Variants in CAMTA1 observed in about 807,000 individuals in gnomAD.
CAMTA1 encodes calmodulin binding transcription activator 1, also known as calmodulin-binding transcription activator 1.
A neutral mutation model predicts 170.9 loss-of-function variants in CAMTA1; 27 were observed. The ratio of observed to expected loss-of-function variants is 0.16; its 90% CI spans 0.12 to 0.22. The LOEUF (loss-of-function observed/expected upper bound fraction) is 0.22, where lower values mean the gene tolerates loss of function less well. Among genes scored for constraint, CAMTA1 ranks in the 10% least tolerant of loss-of-function variants. The pLI is 1.00. For missense variants in CAMTA1, 1,619 were observed against 2,217.2 expected (o/e 0.73, Z 5.42); for synonymous variants, 833 against 891.5 (o/e 0.93, Z 1.17).
Position 7,173,300 on chromosome 1 carries a change from C to A in CAMTA1, c.303-76191C>A, listed in dbSNP as rs530888313. ...GTTGTGAGCTGAAATGAACAGAAGG[C>A]AGAGCGGGGTGCAGGGCCTGGCCGT... On this transcript the variant is annotated intron_variant, in intron 4 of 22. Transcript: ENST00000303635. The surrounding 1 kb of genome is among the most constrained non-coding windows in gnomAD (Gnocchi z 5.4). Among the ~76,000 whole-genome samples the A allele has an allele frequency of 2.0e-5, 3 of 152,312 alleles. No homozygotes were observed. The South Asian group carries it at 6.2e-4, about 32-fold the overall frequency.
intron 3 of CAMTA1, among the ~76,000 whole-genome samples, chr1:7,073,230 G>T (rs944769961): frequency 6.6e-6 from 1 of 152,166 alleles, no homozygotes; most frequent in Non-Finnish European, 1.5e-5. Flanking sequence ...CTACTGAGGT[G>T]GGGGGAAGCT....
At chr1:7,158,890 TA>T (rs774119106) in intron 4 of CAMTA1, among the ~76,000 whole-genome samples, 17 of 151,220 alleles carry the variant, frequency 1.1e-4, no homozygotes, top group Non-Finnish European at 2.4e-4. Flanking sequence ...CCCTTTGGGT[TA>T]GGCTTGCTAA....
intron 5 of CAMTA1, among the ~76,000 whole-genome samples, chr1:7,322,690 A>G (rs1208568752): frequency 6.6e-6 from 1 of 152,260 alleles, no homozygotes; most frequent in African/African-American, 2.4e-5. Context: ...GTTGGCATAA[A>G]GATGTTTATA....
intron 3 of CAMTA1, among the ~76,000 whole-genome samples, chr1:6,827,324 G>C (rs1389843965): frequency 6.6e-6 from 1 of 152,196 alleles, no homozygotes; most frequent in Non-Finnish European, 1.5e-5. Flanking sequence ...GGGATGGGCT[G>C]TTCTTTCAGT....
chr1:7,374,651 A>G (rs940989998), intron 5 of CAMTA1, among the ~76,000 whole-genome samples: 3 of 152,224 alleles, frequency 2.0e-5, no homozygotes, highest in Admixed American at 6.5e-5. Context: ...AAGGAGCCAA[A>G]TATAAGGAAG....
At chr1:6,920,731 G>C (rs546188288) in intron 3 of CAMTA1, among the ~76,000 whole-genome samples, 69 of 152,352 alleles carry the variant, frequency 4.5e-4, no homozygotes, top group African/African-American at 1.5e-3. Flanking sequence ...GCAGGCTCTA[G>C]AGTGTGTGAA....
At chr1:7,342,804 G>A (rs971654545) in intron 5 of CAMTA1, among the ~76,000 whole-genome samples, 5 of 152,220 alleles carry the variant, frequency 3.3e-5, no homozygotes, top group Admixed American at 6.5e-5. Flanking sequence ...GAGGGCCTGA[G>A]CACTCCCAGG....
At chr1:7,013,810 T>C (rs992940763) in intron 3 of CAMTA1, among the ~76,000 whole-genome samples, 1 of 152,206 alleles carries the variant, frequency 6.6e-6, no homozygotes, top group Non-Finnish European at 1.5e-5. Flanking sequence ...CTGGCGGAAC[T>C]TCCCTTCCTG....
At chr1:7,151,177 C>A (rs1646551375) in intron 4 of CAMTA1, among the ~76,000 whole-genome samples, 2 of 152,254 alleles carry the variant, frequency 1.3e-5, no homozygotes, top group South Asian at 4.1e-4. Context: ...TCTCCCTTGG[C>A]CAGCGCTGGC....
intron 6 of CAMTA1, among the ~76,000 whole-genome samples, chr1:7,485,833 G>C (rs1332729877): frequency 2.0e-5 from 3 of 152,228 alleles, no homozygotes; most frequent in African/African-American, 7.2e-5. Flanking sequence ...GCATGGCTGG[G>C]CTCTTTCTGA....
intron 5 of CAMTA1, among the ~76,000 whole-genome samples, chr1:7,439,018 G>A (rs1349676849): frequency 6.6e-6 from 1 of 152,182 alleles, no homozygotes; most frequent in Non-Finnish European, 1.5e-5. Context: ...CAGGGCTCGT[G>A]CTGGCTCTGA....
rs112392921 is a variant in CAMTA1 at position 7,155,387 on chromosome 1, T to TGG, written c.302+64024_302+64025dup. Among the ~76,000 whole-genome samples, 68 of 121,050 alleles carry TGG rather than the reference T, an allele frequency of 5.6e-4. No homozygotes were observed. The East Asian group carries it at 8.0e-3, about 14-fold the overall frequency. 79.4% of individuals were successfully genotyped at this position (121,050 alleles called of 152,430 possible). A position where few individuals can be genotyped will look rare whatever the true frequency, so the allele number is the denominator to read the frequency against. On this transcript the variant is annotated intron_variant, in intron 4 of 22. Coordinates refer to ENST00000303635, the MANE Select transcript of CAMTA1 (RefSeq NM_015215.4). ...ATCCCAGCCTCTGTGAGGGCACCGT[T>TGG]GGGGGGGGGATTGGGCAGGGAAAAG... is the stretch of plus-strand genomic sequence containing the variant.
intron 3 of CAMTA1, among the ~76,000 whole-genome samples, chr1:6,940,423 GC>G (rs70984042): frequency 0.3 from 46,013 of 152,012 alleles, 7,662 homozygotes; most frequent in Non-Finnish European, 0.38. Flanking sequence ...ATTGGATGAT[GC>G]CCCCCACACT....
At chr1:7,704,072 G>A (rs989427640) in intron 11 of CAMTA1, among the ~76,000 whole-genome samples, 4 of 151,436 alleles carry the variant, frequency 2.6e-5, no homozygotes, top group African/African-American at 4.8e-5. Context: ...CCGGGTCCTC[G>A]GGCCCCGGCC....
chr1:7,431,730 G>A (rs2092166954), intron 5 of CAMTA1, among the ~76,000 whole-genome samples: 1 of 152,126 alleles, frequency 6.6e-6, no homozygotes, highest in Non-Finnish European at 1.5e-5. Flanking sequence ...CTGCTCCCTT[G>A]CCAAGTGTCT....
At position 7,052,805 on chromosome 1, in the gene CAMTA1, G is replaced by A. The variant is rs746605093; in HGVS notation, c.235-38499G>A. Reference sequence around the variant, plus strand: ...CCTTGGCTCTGTCTGATTCTCCTCCGTGCTGTCCCTCGACCCTCCTCCGTG... The same window carrying A: ...CCTTGGCTCTGTCTGATTCTCCTCCATGCTGTCCCTCGACCCTCCTCCGTG... On this transcript the variant is annotated intron_variant, in intron 3 of 22. Transcript: ENST00000303635. 3.3e-4 allele frequency among the ~76,000 whole-genome samples: 50 copies of A among 152,200 alleles called. 1 individual carries two copies. The highest frequency in any genetic ancestry group is 3.5e-4 in the Non-Finnish European group (24 of 68,020).
rs1044357363 is a variant in CAMTA1, at chr1:7,093,235, G to A, written c.302+1864G>A. On this transcript the variant is annotated intron_variant, in intron 4 of 22. Transcript: ENST00000303635. This position sits in a 1 kb window ranked among gnomAD's most constrained non-coding sequence, Gnocchi z 4.6. ...CTAGGGTTTCTGATTCAGCAGGTGC[G>A]GTGCAGGGGGCCTGAACATGTGTTA... 2.6e-5 allele frequency among the ~76,000 whole-genome samples: 4 copies of A among 152,124 alleles called. No homozygotes were observed. The highest frequency in any genetic ancestry group is 4.4e-5 in the Non-Finnish European group (3 of 68,022).
chr1:7,369,912 T>A (rs2086309429), intron 5 of CAMTA1, among the ~76,000 whole-genome samples: 1 of 152,072 alleles, frequency 6.6e-6, no homozygotes, highest in African/African-American at 2.4e-5. Context: ...TTGAATAGAG[T>A]ACTATGTAGG....
chr1:6,864,590 C>T lies in CAMTA1; in HGVS notation c.234+39380C>T, dbSNP rs374376139. Among the ~76,000 whole-genome samples, 11 of 152,278 alleles carry T rather than the reference C, an allele frequency of 7.2e-5. No individual in the cohort carries two copies. In the South Asian group the frequency reaches 8.3e-4, roughly 11 times the overall value. ...TCGCCTTGTCCTCTGTTCCAGCCAC[C>T]GGTTTCTTGCCCGAGTCCCTTCAAC... On this transcript the variant is annotated intron_variant, in intron 3 of 22. Coordinates refer to ENST00000303635, the MANE Select transcript of CAMTA1 (RefSeq NM_015215.4).
Sources: gnomAD v4.1 joint callset for allele counts (sites outside exome capture counted in the v4.1 genomes callset) on GRCh38, gnomAD v4.1.1 for gene constraint, Gnocchi (gnomAD v3.1) non-coding constraint, MANE v1.5 for transcripts, NCBI Gene and HGNC (gene_info 2026-07-23, HGNC 2026-07-21) for gene names.